Variants in ZNF385D observed in about 807,000 individuals in gnomAD.
ZNF385D encodes zinc finger protein 659.
In ZNF385D, 15 loss-of-function variants were observed where a neutral mutation model predicts 35.8. The observed-to-expected ratio is 0.42, with a 90% CI of 0.28 to 0.64. The LOEUF is 0.64. ZNF385D is among the 30% of genes least tolerant of loss of function. ZNF385D has a pLI of 0.23. For synonymous variants in ZNF385D, 212 were observed against 186.8 expected (o/e 1.13, Z -1.10); for missense variants, 474 against 494.6 (o/e 0.96, Z 0.39).
intron 2 of ZNF385D, among the ~76,000 whole-genome samples, chr3:22,187,306 CAT>C (rs1329131808): frequency 6.6e-6 from 1 of 152,090 alleles, no homozygotes; most frequent in African/African-American, 2.4e-5. Context: ...TAATCAACAC[CAT>C]ATGTTTTTCA....
chr3:22,244,160 T>A (rs534445627), intron 2 of ZNF385D, among the ~76,000 whole-genome samples: 1 of 150,322 alleles, frequency 6.7e-6, no homozygotes, highest in Admixed American at 6.6e-5. Flanking sequence ...GCAAGAACCT[T>A]CTTAAGGGGA....
intron 2 of ZNF385D, among the ~76,000 whole-genome samples, chr3:22,178,995 G>C (rs1341830220): frequency 6.6e-6 from 1 of 152,212 alleles, no homozygotes; most frequent in Non-Finnish European, 1.5e-5. Flanking sequence ...TAGCCTTGTA[G>C]TATAGTTTGA....
intron 1 of ZNF385D, among the ~76,000 whole-genome samples, chr3:21,734,014 C>T (rs534401198): frequency 2.0e-5 from 3 of 152,114 alleles, no homozygotes; most frequent in Admixed American, 6.5e-5. Context: ...TATGCTTCCC[C>T]GTCAGAACAC....
chr3:21,759,766 T>A (rs139763633), intron 3 of ZNF385D, among the ~76,000 whole-genome samples: 114 of 152,324 alleles, frequency 7.5e-4, no homozygotes, highest in African/African-American at 2.5e-3. Flanking sequence ...CAGCGTTATA[T>A]TGAATTTCTT....
intron 4 of ZNF385D, among the ~76,000 whole-genome samples, chr3:21,460,075 T>G (rs1034413965): frequency 6.6e-6 from 1 of 152,214 alleles, no homozygotes; most frequent in African/African-American, 2.4e-5. Context: ...TTAAGCTTGC[T>G]CTTTAGTGTC....
chr3:21,974,933 A>C (rs1703499215), intron 3 of ZNF385D, among the ~76,000 whole-genome samples: 1 of 152,172 alleles, frequency 6.6e-6, no homozygotes, highest in Admixed American at 6.5e-5. Flanking sequence ...GCTGGCAAGG[A>C]AGAGGAAAAA....
chr3:22,097,141 G>A (rs1701676005), intron 3 of ZNF385D, among the ~76,000 whole-genome samples: 1 of 152,112 alleles, frequency 6.6e-6, no homozygotes. Flanking sequence ...TGAATGAACA[G>A]AGCCATTCTG....
At chr3:21,735,801 C>T (rs2069215412) in intron 1 of ZNF385D, among the ~76,000 whole-genome samples, 1 of 152,166 alleles carries the variant, frequency 6.6e-6, no homozygotes, top group Non-Finnish European at 1.5e-5. Context: ...GATTGGTTGC[C>T]TTGTCCTCCT....
intron 3 of ZNF385D, among the ~76,000 whole-genome samples, chr3:21,824,226 C>G (rs1694453492): frequency 6.6e-6 from 1 of 152,152 alleles, no homozygotes; most frequent in South Asian, 2.1e-4. Context: ...AGGCCTGCCC[C>G]TCACATTGTT....
chr3:21,695,896 G>A (rs2067454812), intron 1 of ZNF385D, among the ~76,000 whole-genome samples: 1 of 152,046 alleles, frequency 6.6e-6, no homozygotes, highest in Admixed American at 6.6e-5. Flanking sequence ...TTCTCCCAAA[G>A]TACTTTGTAA....
At chr3:21,949,705 T>C (rs1684489) in intron 3 of ZNF385D, among the ~76,000 whole-genome samples, 130,701 of 151,630 alleles carry the variant, frequency 0.86, 56,535 homozygotes, top group East Asian at 0.98. Context: ...ATCCCTCCCC[T>C]AGTCCCTCAC....
At chr3:21,568,478 T>C (rs2063224415) in intron 2 of ZNF385D, among the ~76,000 whole-genome samples, 1 of 152,210 alleles carries the variant, frequency 6.6e-6, no homozygotes, top group African/African-American at 2.4e-5. Context: ...GTCAAAACAG[T>C]AACATCTTAT....
intron 3 of ZNF385D, among the ~76,000 whole-genome samples, chr3:21,959,249 C>A (rs762554638): frequency 1.3e-5 from 2 of 152,022 alleles, no homozygotes; most frequent in Non-Finnish European, 2.9e-5. Flanking sequence ...GTAGTGCCTA[C>A]AACAGATAAG....
intron 3 of ZNF385D, among the ~76,000 whole-genome samples, chr3:21,897,722 G>A (rs1339435360): frequency 6.6e-6 from 1 of 152,070 alleles, no homozygotes; most frequent in African/African-American, 2.4e-5. Flanking sequence ...GCCCACCCTA[G>A]TTGCACAGTG....
rs61708178 is a variant in ZNF385D at position 22,111,152 on chromosome 3, A to ATTTTTTTTT, written c.325+57656_325+57664dup. 2.8e-3 allele frequency among the ~76,000 whole-genome samples: 196 copies of ATTTTTTTTT among 68,928 alleles called. 1 individual carries two copies. The highest frequency in any genetic ancestry group is 5.2e-3 in the East Asian group (14 of 2,704). The allele number at this position is 68,928 out of a possible 152,430, so 45.2% of individuals were successfully genotyped here. ...GTAACATATTGAGGCTCCATGTTGG[A>ATTTTTTTTT]TTTTTTTTTTTTTTTTTTTTTTTTG... On this transcript the variant is annotated intron_variant, in intron 3 of 5. Transcript: ENST00000494108.
chr3:22,200,511 C>T (rs1016402377), intron 2 of ZNF385D, among the ~76,000 whole-genome samples: 6 of 151,994 alleles, frequency 3.9e-5, no homozygotes, highest in Non-Finnish European at 8.8e-5. Flanking sequence ...GGAGGCAGGG[C>T]AAGATCACAG....
At chr3:21,782,822 G>A (rs2071544979) in intron 3 of ZNF385D, among the ~76,000 whole-genome samples, 1 of 152,084 alleles carries the variant, frequency 6.6e-6, no homozygotes, top group African/African-American at 2.4e-5. Flanking sequence ...TAATAAAAAT[G>A]TAGGTCATGG....
chr3:21,449,605 T>C (rs1702344623), intron 4 of ZNF385D, among the ~76,000 whole-genome samples: 1 of 152,170 alleles, frequency 6.6e-6, no homozygotes, highest in Non-Finnish European at 1.5e-5. Flanking sequence ...GCACTGTGAG[T>C]AAATTGTTTT....
chr3:21,964,416 AAAAAAAAAAAAAAAAAG>A (rs1434835143), intron 3 of ZNF385D, among the ~76,000 whole-genome samples: 3,030 of 90,394 alleles, frequency 0.034, 94 homozygotes, highest in South Asian at 0.11. Flanking sequence ...TTTTTGTAAA[AAAAAAAAAAAAAAAAAG>A]AAAAAAAAAA....
Sources: gnomAD v4.1 joint callset for allele counts (sites outside exome capture counted in the v4.1 genomes callset) on GRCh38, gnomAD v4.1.1 for gene constraint, MANE v1.5 for transcripts, NCBI Gene and HGNC (gene_info 2026-07-23, HGNC 2026-07-21) for gene names.